Variants in SSR1 observed in about 807,000 individuals in gnomAD.
The protein encoded by SSR1 is translocon-associated protein subunit alpha.
A neutral mutation model predicts 36.1 loss-of-function variants in SSR1; 13 were observed. That is an observed-to-expected ratio of 0.36 (90% CI 0.23 to 0.57). SSR1 has a LOEUF of 0.57. Ranked by LOEUF, SSR1 falls within the 20% of genes least tolerant of loss-of-function variation. SSR1 has a pLI of 0.81. For synonymous variants in SSR1, 113 were observed against 118.9 expected (o/e 0.95, Z 0.32); for missense variants, 291 against 338.5 (o/e 0.86, Z 1.10).
At chr6:7,302,523 C>T (rs913455827) in intron 3 of SSR1, among the ~76,000 whole-genome samples, 1 of 152,136 alleles carries the variant, frequency 6.6e-6, no homozygotes, top group African/African-American at 2.4e-5. Context: ...CCCAGTACTT[C>T]AGGAGGCAGA....
At position 7,286,961 on chromosome 6, in the gene SSR1, C is replaced by T. The variant is rs537558876; in HGVS notation, c.*2903G>A. ...AAAGTACTATGGAAGTACTTAAGTA[C>T]ATCTGAAAATGTTTTTAAATTTAAA... On this transcript the variant is annotated 3_prime_UTR_variant, in exon 8 of 8. Coordinates refer to ENST00000244763, the MANE Select transcript of SSR1 (RefSeq NM_003144.5). 7.1e-6 allele frequency: 1 copy of T among 141,102 alleles called. No homozygotes were observed. The highest frequency in any genetic ancestry group is 2.1e-4 in the East Asian group (1 of 4,866). The allele number at this position is 141,102 out of a possible 1,614,324, so 8.7% of individuals were successfully genotyped here.
At position 7,301,593 on chromosome 6, in the gene SSR1, A is replaced by G. The variant is rs1757934526; in HGVS notation, c.281-21T>C. On this transcript the variant is annotated intron_variant, in intron 3 of 7. Coordinates refer to ENST00000244763, the MANE Select transcript of SSR1 (RefSeq NM_003144.5). ...AAAATCTGAGAAACAAAATAGAGACAAAAAAATTAGAACACATGGAAAGAG... is the reference window on the plus strand; with the variant it reads ...AAAATCTGAGAAACAAAATAGAGACGAAAAAATTAGAACACATGGAAAGAG... 6 of 1,590,334 alleles carry G rather than the reference A, an allele frequency of 3.8e-6. No individual in the cohort carries two copies. In the African/African-American group the frequency reaches 8.1e-5, roughly 22 times the overall value.
At chr6:7,311,247 A>G (rs188835099) in intron 1 of SSR1, among the ~76,000 whole-genome samples, 26 of 152,376 alleles carry the variant, frequency 1.7e-4, no homozygotes, top group African/African-American at 5.0e-4. Context: ...TTTTATAGAC[A>G]ATAGTACTCT....
intron 2 of SSR1, among the ~76,000 whole-genome samples, chr6:7,309,531 A>G (rs1758141422): frequency 6.6e-6 from 1 of 152,202 alleles, no homozygotes; most frequent in Admixed American, 6.5e-5. Context: ...CCCCAACCAA[A>G]TCTCATCTTG....
At chr6:7,294,775 T>G (rs1181741671) in intron 7 of SSR1, among the ~76,000 whole-genome samples, 56 of 152,188 alleles carry the variant, frequency 3.7e-4, no homozygotes, top group Non-Finnish European at 1.9e-4. Flanking sequence ...TATTTAATTT[T>G]TTATAATGAG....
rs1164049371 is a variant in SSR1, at chr6:7,313,033, C to G, written c.79+9G>C. Reference sequence around the variant, plus strand: ...TGGCCATCCCCTCCGCACACTCCCCCAGCCTCACCTCTGGGGCCGCCTCGG... The same window carrying G: ...TGGCCATCCCCTCCGCACACTCCCCGAGCCTCACCTCTGGGGCCGCCTCGG... On this transcript the variant is annotated intron_variant, in intron 1 of 7. Coordinates refer to ENST00000244763, the MANE Select transcript of SSR1 (RefSeq NM_003144.5). 1 of 1,597,330 alleles carries G rather than the reference C, an allele frequency of 6.3e-7. No homozygotes were observed. Among genetic ancestry groups the G allele is most frequent in the Non-Finnish European group, 8.5e-7 (1 of 1,172,256 alleles).
rs1029283344 is a variant in SSR1 at position 7,288,743 on chromosome 6, A to G, written c.*1121T>C. ...TACAATCTAGGGCAAGAGTAACTCT[A>G]TAAGAGGATTTTATGAAGTACAATT... On this transcript the variant is annotated 3_prime_UTR_variant, in exon 8 of 8. Coordinates refer to ENST00000244763, the MANE Select transcript of SSR1 (RefSeq NM_003144.5). 1.3e-5 allele frequency: 2 copies of G among 152,628 alleles called. No homozygotes were observed. Among genetic ancestry groups the G allele is most frequent in the Non-Finnish European group, 2.9e-5 (2 of 68,020 alleles). The allele number at this position is 152,628 out of a possible 1,614,324, so 9.5% of individuals were successfully genotyped here.
Position 7,288,355 on chromosome 6 carries a change from A to G in SSR1, c.*1509T>C, listed in dbSNP as rs1283115091. 1 of 152,218 alleles carries G rather than the reference A, an allele frequency of 6.6e-6. No individual in the cohort carries two copies. Among genetic ancestry groups the G allele is most frequent in the Non-Finnish European group, 1.5e-5 (1 of 68,028 alleles). 9.4% of individuals were successfully genotyped at this position (152,218 alleles called of 1,614,324 possible). The stretch of plus-strand genomic sequence containing the variant: ...TTATATTACAGATATAGAGTTTATA[A>G]TCCAGCAATGCCAATATAGGTAATT... On this transcript the variant is annotated 3_prime_UTR_variant, in exon 8 of 8. Transcript: ENST00000244763.
chr6:7,295,076 T>TA lies in SSR1; in HGVS notation c.793+315dup, dbSNP rs1252913880. The TA allele has an allele frequency of 6.6e-6, 10 of 1,510,040 alleles. No individual in the cohort carries two copies. In the East Asian group the frequency reaches 2.5e-4, roughly 38 times the overall value. 93.5% of individuals were successfully genotyped at this position (1,510,040 alleles called of 1,614,324 possible). ...CTCTAGCAAAAACCATTAAAAAAAT[T>TA]AAATGCCTCACCTCTTCTACTCTGC... On this transcript the variant is annotated intron_variant, in intron 7 of 7. Transcript: ENST00000244763.
rs1757525505 is a variant in SSR1 at position 7,285,309 on chromosome 6, A to G, written c.*4555T>C. ...AACAAGGATTATCCTTTCTACAGGC[A>G]TACTGAATTTTCTTTTTAATGCCTC... On this transcript the variant is annotated 3_prime_UTR_variant, in exon 8 of 8. Coordinates refer to ENST00000244763, the MANE Select transcript of SSR1 (RefSeq NM_003144.5). The surrounding 1 kb of genome is among the most constrained non-coding windows in gnomAD (Gnocchi z 4.1). 6.6e-6 allele frequency: 1 copy of G among 152,250 alleles called. No individual in the cohort carries two copies. Among genetic ancestry groups the G allele is most frequent in the Non-Finnish European group, 1.5e-5 (1 of 68,046 alleles). 9.4% of individuals were successfully genotyped at this position (152,250 alleles called of 1,614,324 possible).
intron 2 of SSR1, among the ~76,000 whole-genome samples, chr6:7,307,349 A>G (rs931902816): frequency 2.6e-5 from 4 of 152,196 alleles, no homozygotes; most frequent in Non-Finnish European, 5.9e-5. Flanking sequence ...CTGATTTGAG[A>G]TAAGTAACAA....
At chr6:7,306,516 C>T (rs1758057266) in intron 2 of SSR1, among the ~76,000 whole-genome samples, 1 of 152,052 alleles carries the variant, frequency 6.6e-6, no homozygotes, top group African/African-American at 2.4e-5. Flanking sequence ...AAACAAAAAC[C>T]TCTCTCATTT....
At chr6:7,312,717 G>A (rs190469412) in intron 1 of SSR1, among the ~76,000 whole-genome samples, 1,553 of 152,342 alleles carry the variant, frequency 0.01, 27 homozygotes, top group African/African-American at 0.034. Flanking sequence ...GCCTCCTCCT[G>A]CAGCCGAGGA....
At chr6:7,295,305 A>G in intron 7 of SSR1, 87 bp downstream of exon 7, 1 of 1,259,864 alleles carries the variant, frequency 7.9e-7, no homozygotes, top group Non-Finnish European at 1.1e-6. Flanking sequence ...AATAGTACTG[A>G]AAAAGTTTTT....
Position 7,298,794 on chromosome 6 carries a change from A to C in SSR1, c.573T>G (p.Asn191Lys). 6.2e-7 allele frequency: 1 copy of C among 1,613,418 alleles called. No individual in the cohort carries two copies. Among genetic ancestry groups the C allele is most frequent in the Non-Finnish European group, 8.5e-7 (1 of 1,179,810 alleles). ...NGNVFQDAVF[N>K]QTVTVIERED... is the part of the protein sequence containing the mutation. Reference sequence around the variant, plus strand: ...CTCTTTCAATAACTGTAACTGTTTGATTGAAGACTGCATCTTGGAATACAT... The same window carrying C: ...CTCTTTCAATAACTGTAACTGTTTGCTTGAAGACTGCATCTTGGAATACAT... The change falls in exon 5 of 8, where the codon AAT becomes AAG. Residue 191 changes from asparagine (N) to lysine (K), a missense_variant. By Grantham distance (94) the Asn-to-Lys change is moderately conservative. Transcript: ENST00000244763.
At position 7,283,451 on chromosome 6, in the gene SSR1, T is replaced by G. The variant is rs1300477826; in HGVS notation, c.*6413A>C. 2 of 152,320 alleles carry G rather than the reference T, an allele frequency of 1.3e-5. No homozygotes were observed. Among genetic ancestry groups the G allele is most frequent in the African/African-American group, 4.8e-5 (2 of 41,464 alleles). The allele number at this position is 152,320 out of a possible 1,614,324, so 9.4% of individuals were successfully genotyped here. On this transcript the variant is annotated 3_prime_UTR_variant, in exon 8 of 8. Transcript: ENST00000244763. ...TAGTAGAGGCGAGGTTTCACTATGTTCGCCAGGATGGTCTTGAACTCCTGA... is the reference window on the plus strand; with the variant it reads ...TAGTAGAGGCGAGGTTTCACTATGTGCGCCAGGATGGTCTTGAACTCCTGA...
chr6:7,303,742 G>A lies in SSR1; in HGVS notation c.193-105C>T, dbSNP rs896257252. 4 of 793,336 alleles carry A rather than the reference G, an allele frequency of 5.0e-6. No homozygotes were observed. In the African/African-American group the frequency reaches 7.0e-5, roughly 14 times the overall value. 49.1% of individuals were successfully genotyped at this position (793,336 alleles called of 1,614,324 possible). ...ACGGTGGCTCACACTTATAATCTCA[G>A]CACTTGGCCGAGGCAGGCAGATCAC... On this transcript the variant is annotated intron_variant, in intron 2 of 7. Transcript: ENST00000244763.
chr6:7,303,039 G>C (rs1757972972), intron 3 of SSR1, among the ~76,000 whole-genome samples: 1 of 149,846 alleles, frequency 6.7e-6, no homozygotes, highest in Non-Finnish European at 1.5e-5. Context: ...GGGAGGCTGA[G>C]GCAGGAGAAT....
rs1757430285 is a variant in SSR1, at chr6:7,282,050, GA to G, written c.*7813del. ...GGAGCAGGGTCAAAGAAATGAAGGTGAATTTGGGGGGTGGTGGTCAATGGGT... is the reference window on the plus strand; with the variant it reads ...GGAGCAGGGTCAAAGAAATGAAGGTGATTTGGGGGGTGGTGGTCAATGGGT... On this transcript the variant is annotated 3_prime_UTR_variant, in exon 8 of 8. Coordinates refer to ENST00000244763, the MANE Select transcript of SSR1 (RefSeq NM_003144.5). The G allele has an allele frequency of 6.6e-6, 1 of 152,472 alleles. No homozygotes were observed. The highest frequency in any genetic ancestry group is 2.4e-5 in the African/African-American group (1 of 41,426). 9.4% of individuals were successfully genotyped at this position (152,472 alleles called of 1,614,324 possible). A position where few individuals can be genotyped will look rare whatever the true frequency, so the allele number is the denominator to read the frequency against.
Sources: allele counts gnomAD v4.1 joint callset (sites outside exome capture counted in the v4.1 genomes callset), GRCh38; gene constraint gnomAD v4.1.1; non-coding constraint Gnocchi (gnomAD v3.1); transcripts MANE v1.5; gene names NCBI Gene and HGNC (gene_info 2026-07-23, HGNC 2026-07-21).